Variants in DSCAM observed in about 807,000 individuals in gnomAD.
The protein encoded by DSCAM is cell adhesion molecule DSCAM.
In DSCAM, 47 loss-of-function variants were observed where a neutral mutation model predicts 217.7. The observed-to-expected ratio is 0.22, with a 90% CI of 0.17 to 0.28. The LOEUF is 0.28. Ranked by LOEUF, DSCAM falls within the 10% of genes least tolerant of loss-of-function variation. DSCAM has a pLI of 1.00. For missense variants in DSCAM, 2,080 were observed against 2,618.3 expected (o/e 0.79, Z 4.49); for synonymous variants, 1,056 against 1,015.3 (o/e 1.04, Z -0.76).
At chr21:40,608,519 GA>G (rs1288448189) in intron 3 of DSCAM, among the ~76,000 whole-genome samples, 2 of 152,202 alleles carry the variant, frequency 1.3e-5, no homozygotes, top group Non-Finnish European at 2.9e-5. Flanking sequence ...ATAAGCTCTG[GA>G]AAAGGTTAGC....
At chr21:40,124,137 C>T in intron 20 of DSCAM, 58 bp downstream of exon 20, 1 of 1,608,788 alleles carries the variant, frequency 6.2e-7, no homozygotes, top group Non-Finnish European at 8.5e-7. Context: ...CCAGTGCGAG[C>T]ACCTGCAGCT....
intron 1 of DSCAM, among the ~76,000 whole-genome samples, chr21:40,833,200 C>T (rs1569059664): frequency 6.6e-6 from 1 of 152,080 alleles, no homozygotes; most frequent in East Asian, 1.9e-4. Flanking sequence ...GCACTCTCCT[C>T]TTCAAGCGTT....
At chr21:40,495,418 A>G (rs1200104281) in intron 3 of DSCAM, among the ~76,000 whole-genome samples, 1 of 152,196 alleles carries the variant, frequency 6.6e-6, no homozygotes, top group Non-Finnish European at 1.5e-5. Flanking sequence ...CCACATTACC[A>G]CAATGAAGGG....
At chr21:40,133,034 T>G (rs2090169690) in intron 19 of DSCAM, among the ~76,000 whole-genome samples, 1 of 152,214 alleles carries the variant, frequency 6.6e-6, no homozygotes, top group South Asian at 2.1e-4. Flanking sequence ...CTCATCTCAA[T>G]GTATACTTCT....
intron 3 of DSCAM, among the ~76,000 whole-genome samples, chr21:40,519,550 G>A (rs905316031): frequency 1.3e-5 from 2 of 152,130 alleles, no homozygotes; most frequent in Non-Finnish European, 2.9e-5. Context: ...CAGGGAGTGG[G>A]TCCTCAACAG....
intron 1 of DSCAM, among the ~76,000 whole-genome samples, chr21:40,755,980 G>C (rs2091271829): frequency 6.6e-6 from 1 of 152,174 alleles, no homozygotes; most frequent in African/African-American, 2.4e-5. Flanking sequence ...AAAACAGATA[G>C]CACTTATTTA....
intron 3 of DSCAM, among the ~76,000 whole-genome samples, chr21:40,675,997 A>G (rs960177097): frequency 5.3e-5 from 8 of 152,242 alleles, no homozygotes; most frequent in African/African-American, 1.9e-4. Flanking sequence ...AGAAGTCACT[A>G]TGAATATATT....
rs373979902 is a variant in DSCAM at position 40,594,834 on chromosome 21, C to G, written c.508+97976G>C. 2.0e-5 allele frequency among the ~76,000 whole-genome samples: 3 copies of G among 152,172 alleles called. No homozygotes were observed. In the East Asian group the frequency reaches 5.8e-4, roughly 29 times the overall value. ...AGGGGAGGGGAGGCTGATGCCAAGA[C>G]AGTAACCTCAGTCTTTGTAGAGGGA... On this transcript the variant is annotated intron_variant, in intron 3 of 32. Coordinates refer to ENST00000400454, the MANE Select transcript of DSCAM (RefSeq NM_001389.5).
At chr21:40,607,267 G>A (rs2089252822) in intron 3 of DSCAM, among the ~76,000 whole-genome samples, 1 of 152,170 alleles carries the variant, frequency 6.6e-6, no homozygotes, top group African/African-American at 2.4e-5. Flanking sequence ...AATTATGCCT[G>A]TGCTGTGAAA....
intron 1 of DSCAM, among the ~76,000 whole-genome samples, chr21:40,752,030 A>T (rs1010822350): frequency 6.6e-6 from 1 of 152,176 alleles, no homozygotes; most frequent in Non-Finnish European, 1.5e-5. Flanking sequence ...GCCCAACTGG[A>T]TGGCAAACAT....
At chr21:40,601,879 T>C (rs1462721788) in intron 3 of DSCAM, among the ~76,000 whole-genome samples, 1 of 152,154 alleles carries the variant, frequency 6.6e-6, no homozygotes, top group Non-Finnish European at 1.5e-5. Context: ...TCATGGTACA[T>C]TATTCTTTTT....
chr21:40,217,094 A>G (rs906913105), intron 11 of DSCAM, among the ~76,000 whole-genome samples: 6 of 152,184 alleles, frequency 3.9e-5, no homozygotes, highest in Admixed American at 1.3e-4. Context: ...TTTCTCAAAA[A>G]TGCCATGACA....
At chr21:40,712,377 G>C (rs943221891) in intron 1 of DSCAM, among the ~76,000 whole-genome samples, 4 of 151,154 alleles carry the variant, frequency 2.6e-5, no homozygotes, top group African/African-American at 9.7e-5. Flanking sequence ...GCAGGAGAAT[G>C]GCGTGAACCC....
chr21:40,483,332 T>A (rs549489959), intron 3 of DSCAM, among the ~76,000 whole-genome samples: 2 of 152,358 alleles, frequency 1.3e-5, no homozygotes, highest in African/African-American at 2.4e-5. Flanking sequence ...AACAGCTACC[T>A]ATTATGGATA....
chr21:40,604,073 T>C lies in DSCAM; in HGVS notation c.508+88737A>G, dbSNP rs140611417. ...TGGGATTCTCATTCTGCATGTGTTA[T>C]ACCTTTTGTAATTGTCCCAGAGTAC... On this transcript the variant is annotated intron_variant, in intron 3 of 32. Transcript: ENST00000400454. Among the ~76,000 whole-genome samples, 13 of 152,232 alleles carry C rather than the reference T, an allele frequency of 8.5e-5. No individual in the cohort carries two copies. In the East Asian group the frequency reaches 2.5e-3, roughly 29 times the overall value.
At chr21:40,479,020 A>T (rs536802394) in intron 3 of DSCAM, among the ~76,000 whole-genome samples, 53 of 152,276 alleles carry the variant, frequency 3.5e-4, no homozygotes, top group Admixed American at 7.9e-4. Context: ...ATCAAGGAAA[A>T]CTCAAACTGC....
intron 3 of DSCAM, among the ~76,000 whole-genome samples, chr21:40,452,540 A>C (rs1601654993): frequency 6.6e-6 from 1 of 152,186 alleles, no homozygotes; most frequent in Non-Finnish European, 1.5e-5. Context: ...TATTAGCATT[A>C]TACAAAGTAT....
chr21:40,718,096 A>G (rs1356917701), intron 1 of DSCAM, among the ~76,000 whole-genome samples: 1 of 152,352 alleles, frequency 6.6e-6, no homozygotes, highest in Middle Eastern at 3.4e-3. Context: ...AAAAGTCAAT[A>G]GGAGGCAAAT....
At chr21:40,425,448 A>C (rs548957373) in intron 3 of DSCAM, among the ~76,000 whole-genome samples, 1 of 152,270 alleles carries the variant, frequency 6.6e-6, no homozygotes, top group South Asian at 2.1e-4. Context: ...GCGCATGTAT[A>C]CATATGTAAC....
Sources: gnomAD v4.1 joint callset for allele counts (sites outside exome capture counted in the v4.1 genomes callset) on GRCh38, gnomAD v4.1.1 for gene constraint, MANE v1.5 for transcripts, NCBI Gene and HGNC (gene_info 2026-07-23, HGNC 2026-07-21) for gene names.